LRRC9: variants seen among roughly 807,000 people sequenced by gnomAD.
LRRC9 encodes the protein leucine rich repeat containing 9.
In LRRC9, 122 loss-of-function variants were observed where a neutral mutation model predicts 63.2. The observed-to-expected ratio is 1.93, with a 90% CI of 1.67 to 2.24. The LOEUF (loss-of-function observed/expected upper bound fraction) is 2.24. Among genes scored for constraint, LRRC9 ranks in the 30% most tolerant of loss-of-function variants. The pLI is 0.00. For synonymous variants in LRRC9, 366 were observed against 213.1 expected, an observed-to-expected ratio of 1.72 and a Z score of -6.25; for missense variants, 1,071 against 627.7, an observed-to-expected ratio of 1.71 and a Z score of -7.55.
intron 16 of LRRC9, among the ~76,000 whole-genome samples, chr14:59,983,582 A>G (rs183872540): frequency 6.6e-6 from 1 of 152,278 alleles, no homozygotes; most frequent in East Asian, 1.9e-4. Flanking sequence ...GAGAGAGAAA[A>G]TATTCTTACT....
intron 23 of LRRC9, among the ~76,000 whole-genome samples, chr14:60,014,941 C>T (rs1890556837): frequency 6.6e-6 from 1 of 152,002 alleles, no homozygotes; most frequent in South Asian, 2.1e-4. Flanking sequence ...AGGATATGCC[C>T]ATCTTGGTAA....
chr14:59,949,382 A>G (rs1276250808), intron 8 of LRRC9, among the ~76,000 whole-genome samples: 3 of 150,164 alleles, frequency 2.0e-5, no homozygotes, highest in Admixed American at 6.6e-5. Context: ...TATTGTGTCT[A>G]TTTGATTCTT....
chr14:60,044,409 A>G (rs940030775), intron 29 of LRRC9, among the ~76,000 whole-genome samples: 1 of 151,938 alleles, frequency 6.6e-6, no homozygotes, highest in Non-Finnish European at 1.5e-5. Flanking sequence ...AAGACTTTCA[A>G]CTTTTTTGAC....
In LRRC9 at chr14:59,986,581, A is replaced by C. The variant is rs1594946141; in HGVS notation, c.2211+1357A>C. ...GAAGAGGTCTCAGGACTGTATGTAG[A>C]TTGTTGGTATTTTTATTTTTTTCTA... On this transcript the variant is annotated intron_variant, in intron 17 of 31. Coordinates refer to ENST00000445360, the Ensembl canonical transcript of LRRC9. The surrounding 1 kb of genome is among the most constrained non-coding windows in gnomAD (Gnocchi z 4.7). Among the ~76,000 whole-genome samples, 1 of 152,132 alleles carries C rather than the reference A, an allele frequency of 6.6e-6. No individual in the cohort carries two copies. The highest frequency in any genetic ancestry group is 6.5e-5 in the Admixed American group (1 of 15,278).
chr14:59,954,942 A>G (rs1274013763), intron 8 of LRRC9, among the ~76,000 whole-genome samples: 2 of 152,178 alleles, frequency 1.3e-5, no homozygotes, highest in East Asian at 1.9e-4. Context: ...GTGATGGATT[A>G]TGTGTATTGA....
chr14:60,011,899 C>A (rs972013600), intron 23 of LRRC9, among the ~76,000 whole-genome samples: 1 of 152,130 alleles, frequency 6.6e-6, no homozygotes, highest in African/African-American at 2.4e-5. Flanking sequence ...CTGGAGATGT[C>A]AAGCAGGCAG....
At chr14:60,043,756 C>CTTTTTTTTTTTTTTTTTTTTTTCT (rs368065898) in intron 29 of LRRC9, among the ~76,000 whole-genome samples, 1 of 71,554 alleles carries the variant, frequency 1.4e-5, no homozygotes, top group Non-Finnish European at 2.8e-5. Flanking sequence ...TTTTCTTTTC[C>CTTTTTTTTTTTTTTTTTTTTTTCT]TTTTTTTTTT....
chr14:59,952,422 C>T (rs939496836), intron 8 of LRRC9, among the ~76,000 whole-genome samples: 9 of 152,270 alleles, frequency 5.9e-5, no homozygotes, highest in East Asian at 3.9e-4. Context: ...TGAGATGAAC[C>T]GGGTACCTCA....
intron 29 of LRRC9, among the ~76,000 whole-genome samples, chr14:60,034,931 C>T (rs1892303669): frequency 6.6e-6 from 1 of 152,040 alleles, no homozygotes; most frequent in African/African-American, 2.4e-5. Context: ...ATACTGTTTA[C>T]CATAATGGTA....
intron 8 of LRRC9, among the ~76,000 whole-genome samples, chr14:59,947,547 A>C (rs1882590394): frequency 7.6e-6 from 1 of 131,948 alleles, no homozygotes; most frequent in South Asian, 2.7e-4. Context: ...TTTTGTTGCC[A>C]TTGCTTTTGG....
intron 17 of LRRC9, among the ~76,000 whole-genome samples, 166 bp from the exon 18 acceptor site, chr14:59,997,490 T>C (rs773281486): frequency 2.6e-5 from 4 of 152,156 alleles, no homozygotes; most frequent in Non-Finnish European, 4.4e-5. Context: ...TGTAGCTCTT[T>C]AGACAAATGC....
In LRRC9 at chr14:59,930,805, A is replaced by G. The variant is rs535687623; in HGVS notation, c.268-113A>G. ...AAACAGTTCATTTTGCTGGATATTG[A>G]TTTTGCAATAAAATATGATATTTAA... On this transcript the variant is annotated intron_variant, in intron 3 of 31. Coordinates refer to ENST00000445360, the Ensembl canonical transcript of LRRC9. This position sits in a 1 kb window ranked among gnomAD's most constrained non-coding sequence, Gnocchi z 4.9. 1 of 257,276 alleles carries G rather than the reference A, an allele frequency of 3.9e-6. No individual in the cohort carries two copies. Among genetic ancestry groups the G allele is most frequent in the African/African-American group, 2.2e-5 (1 of 45,356 alleles). The allele number at this position is 257,276 out of a possible 1,614,324, so 15.9% of individuals were successfully genotyped here.
rs191178501 is a variant in LRRC9 at position 59,922,816 on chromosome 14, T to C, written c.-34+2933T>C. On this transcript the variant is annotated intron_variant, in intron 1 of 31. Coordinates refer to ENST00000445360, the Ensembl canonical transcript of LRRC9. The surrounding 1 kb of genome is among the most constrained non-coding windows in gnomAD (Gnocchi z 5.3). Reference sequence around the variant, plus strand: ...TCTCGAGTCTCTAGTCCCACTCTCCTAGGAGAGGAAATTGAGGAAAATATA... The same window carrying C: ...TCTCGAGTCTCTAGTCCCACTCTCCCAGGAGAGGAAATTGAGGAAAATATA... 2.0e-5 allele frequency among the ~76,000 whole-genome samples: 3 copies of C among 152,290 alleles called. No individual in the cohort carries two copies. The highest frequency in any genetic ancestry group is 2.0e-4 in the Admixed American group (3 of 15,304).
In LRRC9 at chr14:60,003,377, C is replaced by T. The variant is rs1889547066; in HGVS notation, c.2665-244C>T. Among the ~76,000 whole-genome samples, 1 of 152,210 alleles carries T rather than the reference C, an allele frequency of 6.6e-6. No individual in the cohort carries two copies. The highest frequency in any genetic ancestry group is 2.4e-5 in the African/African-American group (1 of 41,462). ...CCCAGCAGCTGGGACAAGTCCATTA[C>T]TGTAATGGGACTCTAGCACATCGCA... On this transcript the variant is annotated intron_variant, in intron 20 of 31. Transcript: ENST00000445360. The surrounding 1 kb of genome is among the most constrained non-coding windows in gnomAD (Gnocchi z 4.2).
chr14:59,954,586 A>G (rs1025622508), intron 8 of LRRC9, among the ~76,000 whole-genome samples: 1 of 152,220 alleles, frequency 6.6e-6, no homozygotes, highest in Non-Finnish European at 1.5e-5. Flanking sequence ...TTCTAAATAT[A>G]CAATCATGTC....
chr14:60,044,135 G>T (rs1047651618), intron 29 of LRRC9, among the ~76,000 whole-genome samples: 8 of 151,718 alleles, frequency 5.3e-5, no homozygotes, highest in African/African-American at 1.9e-4. Context: ...TATTTCTGAG[G>T]TCTCAGTTAT....
chr14:60,019,672 C>A (rs1595041758), intron 26 of LRRC9, among the ~76,000 whole-genome samples: 1 of 151,668 alleles, frequency 6.6e-6, no homozygotes, highest in Non-Finnish European at 1.5e-5. Context: ...CACAAAGGAA[C>A]CCTATACACA....
intron 29 of LRRC9, among the ~76,000 whole-genome samples, chr14:60,041,797 C>A (rs569126303): frequency 6.6e-6 from 1 of 152,340 alleles, no homozygotes; most frequent in South Asian, 2.1e-4. Context: ...TGGCGAGGAG[C>A]TGCATTCCTT....
intron 31 of LRRC9, among the ~76,000 whole-genome samples, chr14:60,059,637 C>T (rs189313333): frequency 2.4e-4 from 37 of 152,334 alleles, no homozygotes; most frequent in Non-Finnish European, 4.9e-4. Context: ...CCAGCCACAA[C>T]ATTCCCTTAA....
Sources: gnomAD v4.1 joint callset for allele counts (sites outside exome capture counted in the v4.1 genomes callset) on GRCh38, gnomAD v4.1.1 for gene constraint, Gnocchi (gnomAD v3.1) non-coding constraint, MANE v1.5 for transcripts, NCBI Gene and HGNC (gene_info 2026-07-23, HGNC 2026-07-21) for gene names.